Variants in SYCE1 observed in about 807,000 individuals in gnomAD.
The protein encoded by SYCE1 is cancer/testis antigen 76.
A neutral mutation model predicts 55.1 loss-of-function variants in SYCE1; 37 were observed. The ratio of observed to expected loss-of-function variants is 0.67; its 90% CI spans 0.52 to 0.88. SYCE1 has a LOEUF of 0.88. Ranked by LOEUF, SYCE1 falls within the 40% of genes least tolerant of loss-of-function variation. The pLI, the probability that SYCE1 is intolerant of heterozygous loss-of-function variation, is 0.00. For synonymous variants in SYCE1, 163 were observed against 159.4 expected (o/e 1.02, Z -0.17); for missense variants, 399 against 416.4 (o/e 0.96, Z 0.36).
Position 133,555,095 on chromosome 10 carries a change from C to A in SYCE1, c.953G>T (p.Gly318Val). Reference sequence around the variant, plus strand: ...ATCAGGCCCTGCTTGGTGTGCAGCTCCAGGTCTTTCTCCTTTTAGGGGCTT... The same window carrying A: ...ATCAGGCCCTGCTTGGTGTGCAGCTACAGGTCTTTCTCCTTTTAGGGGCTT... ...SPKPLKGERP[G>V]AAHQAGPDVL... Residue 318 changes from glycine to valine, a missense_variant, in exon 13 of 13, where the codon GGA (glycine) becomes GTA (valine). By Grantham distance (109) the Gly-to-Val change is moderately radical. Transcript: ENST00000343131. 6.4e-7 allele frequency: 1 copy of A among 1,551,074 alleles called. No individual in the cohort carries two copies.
Position 133,559,368 on chromosome 10 carries a change from G to A in SYCE1, c.137-8C>T. 1.9e-6 allele frequency: 3 copies of A among 1,614,000 alleles called. No individual in the cohort carries two copies. Among genetic ancestry groups the A allele is most frequent in the Non-Finnish European group, 2.5e-6 (3 of 1,179,930 alleles). ...GGGGCTCTAGGCTTCCCACTGCACG[G>A]AGGAAAGGAGGTTGAGTTGACAGGG... On this transcript the variant is annotated splice_polypyrimidine_tract_variant and splice_region_variant and intron_variant, in intron 2 of 12. Coordinates refer to ENST00000343131, the MANE Select transcript of SYCE1 (RefSeq NM_001143764.3).
intron 6 of SYCE1, 103 bp downstream of exon 6, chr10:133,557,761 G>A: frequency 1.5e-6 from 2 of 1,325,714 alleles, no homozygotes; most frequent in Admixed American, 1.8e-5. Context: ...TTGTTTAGAG[G>A]GAAACAATGA....
Position 133,558,974 on chromosome 10 carries a change from A to G in SYCE1, c.197-23T>C, listed in dbSNP as rs761773707. On this transcript the variant is annotated intron_variant, in intron 3 of 12. Coordinates refer to ENST00000343131, the MANE Select transcript of SYCE1 (RefSeq NM_001143764.3). ...TTGCTTCACCAAAGAGCAGAAAAAC[A>G]TTGTGTGAGTGCAGCCTCTATTCTC... 8.1e-6 allele frequency: 13 copies of G among 1,604,276 alleles called. No homozygotes were observed. The East Asian group carries it at 2.9e-4, about 36-fold the overall frequency.
intron 1 of SYCE1, chr10:133,560,414 G>A: frequency 3.4e-6 from 1 of 293,088 alleles, no homozygotes; most frequent in Non-Finnish European, 6.3e-6. Flanking sequence ...TTCAAAGTAA[G>A]ATCAAAGCTC....
At chr10:133,559,496 C>T (rs556588777) in intron 2 of SYCE1, 136 bp from the exon 3 acceptor site, 9 of 800,140 alleles carry the variant, frequency 1.1e-5, no homozygotes, top group East Asian at 2.6e-5. Flanking sequence ...GGGGCCCTCA[C>T]GGGGCTCACG....
intron 1 of SYCE1, 76 bp from the exon 2 acceptor site, chr10:133,560,229 G>A: frequency 7.5e-7 from 1 of 1,331,164 alleles, no homozygotes; most frequent in Non-Finnish European, 1.1e-6. Flanking sequence ...GAGGCAGGCT[G>A]AGGGCAGGTC....
chr10:133,554,477 T>C (rs538028183), downstream of SYCE1: 35 of 763,590 alleles, frequency 4.6e-5, 1 homozygote, highest in Non-Finnish European at 6.7e-5. Flanking sequence ...TACATCCTAG[T>C]TGATTGACTC....
At position 133,555,115 on chromosome 10, in the gene SYCE1, G is replaced by A; in HGVS notation, c.933C>T (p.Pro311=). 1 of 1,549,638 alleles carries A rather than the reference G, an allele frequency of 6.5e-7. No individual in the cohort carries two copies. The highest frequency in any genetic ancestry group is 1.2e-5 in the South Asian group (1 of 83,810). The part of the protein sequence containing the change: ...AGPGDVASPK[P]LKGERPGAAH... Reference sequence around the variant, plus strand: ...CAGCTCCAGGTCTTTCTCCTTTTAGGGGCTTGGGACTGGCCTGCAGGAGGT... The same window carrying A: ...CAGCTCCAGGTCTTTCTCCTTTTAGAGGCTTGGGACTGGCCTGCAGGAGGT... The change falls in exon 13 of 13, where the codon CCC becomes CCT. Residue 311 remains proline, a synonymous_variant. Transcript: ENST00000343131.
chr10:133,560,772 A>C lies in SYCE1; in HGVS notation c.74-619T>G. The C allele has an allele frequency of 2.0e-5, 3 of 152,312 alleles. No homozygotes were observed. The Middle Eastern group carries it at 0.01, about 518-fold the overall frequency. The allele number at this position is 152,312 out of a possible 1,614,324, so 9.4% of individuals were successfully genotyped here. On this transcript the variant is annotated intron_variant, in intron 1 of 12. Coordinates refer to ENST00000343131, the MANE Select transcript of SYCE1 (RefSeq NM_001143764.3). ...GAAAGGAAAATAAATCTTTTTATAA[A>C]TAAATCTTTGAAAATAAATCAATTC...
chr10:133,555,464 G>T, intron 11 of SYCE1, 26 bp from the exon 12 acceptor site: 1 of 1,613,446 alleles, frequency 6.2e-7, no homozygotes, highest in Non-Finnish European at 8.5e-7. Context: ...TAGGATGGGG[G>T]AAGGAAGAGG....
chr10:133,565,658 T>G (rs944197378), upstream of SYCE1: 3 of 867,940 alleles, frequency 3.5e-6, no homozygotes, highest in Non-Finnish European at 5.1e-6. Context: ...CCTGGAGATG[T>G]GAGGTAATTC....
chr10:133,565,793 C>G (rs1851920622), upstream of SYCE1, among the ~76,000 whole-genome samples: 1 of 152,384 alleles, frequency 6.6e-6, no homozygotes, highest in African/African-American at 2.4e-5. Context: ...CCGGGTGCCC[C>G]CGCGCATGTG....
At chr10:133,558,671 G>T in intron 4 of SYCE1, 1 of 578,294 alleles carries the variant, frequency 1.7e-6, no homozygotes, top group Non-Finnish European at 3.0e-6. Context: ...ACAGCGTCTG[G>T]CAAAAGCCCT....
At chr10:133,561,812 T>A (rs1564858084) in intron 1 of SYCE1, among the ~76,000 whole-genome samples, 1 of 152,174 alleles carries the variant, frequency 6.6e-6, no homozygotes, top group Admixed American at 6.6e-5. Flanking sequence ...CTTTTCCTAT[T>A]GGGTTTGGCC....
At chr10:133,555,465 A>G (rs1223585147) in intron 11 of SYCE1, 27 bp from the exon 12 acceptor site, 5 of 1,613,214 alleles carry the variant, frequency 3.1e-6, no homozygotes, top group Non-Finnish European at 4.2e-6. Context: ...AGGATGGGGG[A>G]AGGAAGAGGA....
Position 133,555,698 on chromosome 10 carries a change from A to C in SYCE1, c.729T>G (p.Phe243Leu). Residue 243 changes from phenylalanine to leucine, a missense_variant, in exon 11 of 13, where the codon TTT (phenylalanine) becomes TTG (leucine). Physicochemically the swap from Phe to Leu is conservative, Grantham distance 22. Transcript: ENST00000343131. ...CCTCAGCCTTCCTGTGCTCTTCCTGAAACAGCTGCCTGGGGGGCCCAGTAG... is the reference window on the plus strand; with the variant it reads ...CCTCAGCCTTCCTGTGCTCTTCCTGCAACAGCTGCCTGGGGGGCCCAGTAG... ...SQEAAATVQL[F>L]QEEHRKAEEL... is the part of the protein sequence containing the mutation. The C allele has an allele frequency of 6.2e-7, 1 of 1,605,626 alleles. No homozygotes were observed. Among genetic ancestry groups the C allele is most frequent in the African/African-American group, 1.3e-5 (1 of 75,012 alleles).
At chr10:133,558,610 A>C in intron 4 of SYCE1, 1 of 539,776 alleles carries the variant, frequency 1.9e-6, no homozygotes, top group Non-Finnish European at 3.3e-6. Flanking sequence ...ATTCTAACTT[A>C]GAGCTGATGA....
intron 1 of SYCE1, among the ~76,000 whole-genome samples, chr10:133,562,287 G>A (rs200480120): frequency 0.094 from 13,971 of 148,762 alleles, 816 homozygotes; most frequent in East Asian, 0.25. Flanking sequence ...GTGTGTGTGT[G>A]TGTGTGTGTG....
chr10:133,556,599 A>G (rs1402599193), intron 8 of SYCE1, 160 bp downstream of exon 8: 2 of 725,116 alleles, frequency 2.8e-6, no homozygotes, highest in Non-Finnish European at 4.8e-6. Flanking sequence ...GCAGGGTCAC[A>G]AGGAGGTGAC....
Sources: allele counts gnomAD v4.1 joint callset (sites outside exome capture counted in the v4.1 genomes callset), GRCh38; gene constraint gnomAD v4.1.1; transcripts MANE v1.5; gene names NCBI Gene and HGNC (gene_info 2026-07-23, HGNC 2026-07-21).